Variants in ACACB observed in about 807,000 individuals in gnomAD.
The protein encoded by ACACB is acetyl-CoA carboxylase 2.
In ACACB, 209 loss-of-function variants were observed where a neutral mutation model predicts 278.8. That is an observed-to-expected ratio of 0.75 (90% CI 0.67 to 0.84). The LOEUF is 0.84. ACACB is among the 40% of genes least tolerant of loss of function. The pLI is 0.00. For synonymous variants in ACACB, 1,174 were observed against 1,285.6 expected (o/e 0.91, Z 1.86); for missense variants, 2,850 against 3,269.0 (o/e 0.87, Z 3.13).
At chr12:109,263,148 G>T (rs915703516) in intron 49 of ACACB, 1 of 151,148 alleles carries the variant, frequency 6.6e-6, no homozygotes, top group South Asian at 2.1e-4. Flanking sequence ...TGTTTTACTT[G>T]TCATCTTTAG....
At position 109,205,674 on chromosome 12, in the gene ACACB, G is replaced by A. The variant is rs560629042; in HGVS notation, c.2914-1036G>A. 5.3e-5 allele frequency among the ~76,000 whole-genome samples: 8 copies of A among 152,090 alleles called. No homozygotes were observed. In the South Asian group the frequency reaches 1.2e-3, roughly 24 times the overall value. ...TCACCATGTTGGCCAGGCTGGTCTC[G>A]AACTCTTGACCTCAGTTCATCCTCC... On this transcript the variant is annotated intron_variant, in intron 19 of 52. Coordinates refer to ENST00000338432, the MANE Select transcript of ACACB (RefSeq NM_001093.4).
At chr12:109,181,030 G>A (rs2044448343) in intron 11 of ACACB, among the ~76,000 whole-genome samples, 1 of 151,888 alleles carries the variant, frequency 6.6e-6, no homozygotes, top group Non-Finnish European at 1.5e-5. Context: ...GTGTCTGTGA[G>A]TTCCATTGTT....
rs751690673 is a variant in ACACB, at chr12:109,259,076, C to T, written c.6464C>T (p.Ala2155Val). ...NREKLPLMIF[A>V]NWRGFSGGMK... ...GAGAAGTTGCCCCTGATGATCTTTG[C>T]CAACTGGAGGGGGTTCTCCGGTGGC... The change falls in exon 47 of 53, where the codon GCC becomes GTC. Residue 2155 changes from alanine to valine, a missense_variant. Ala to Val is a moderately conservative substitution (Grantham distance 64). Transcript: ENST00000338432. The T allele has an allele frequency of 6.2e-7, 1 of 1,613,990 alleles. No homozygotes were observed. The highest frequency in any genetic ancestry group is 1.1e-5 in the South Asian group (1 of 91,070).
rs1480900610 is a variant in ACACB, at chr12:109,260,687, C to T, written c.6674+30C>T. 14 of 1,507,266 alleles carry T rather than the reference C, an allele frequency of 9.3e-6. No individual in the cohort carries two copies. The South Asian group carries it at 1.6e-4, about 18-fold the overall frequency. 93.4% of individuals were successfully genotyped at this position (1,507,266 alleles called of 1,614,324 possible). On this transcript the variant is annotated intron_variant, in intron 48 of 52. Transcript: ENST00000338432. Reference sequence around the variant, plus strand: ...GTGTGTTGCCCTTAGCCTGGCTTAGCCTTTTCTTGTTCTCCCAGCCTTGAG... The same window carrying T: ...GTGTGTTGCCCTTAGCCTGGCTTAGTCTTTTCTTGTTCTCCCAGCCTTGAG...
In ACACB at chr12:109,241,133, T is replaced by C. The variant is rs1355149533; in HGVS notation, c.4874T>C (p.Leu1625Pro). The C allele has an allele frequency of 6.2e-7, 1 of 1,613,954 alleles. No individual in the cohort carries two copies. The highest frequency in any genetic ancestry group is 8.5e-7 in the Non-Finnish European group (1 of 1,180,034). The change falls in exon 36 of 53, where the codon CTC (leucine) becomes CCC (proline). Residue 1625 changes from leucine (L) to proline (P), a missense_variant. Leu to Pro is a moderately conservative substitution (Grantham distance 98). This residue lies in a region of ACACB where 2,265 missense variants were observed against 2,561.3 expected (regional missense o/e 0.88). Coordinates refer to ENST00000338432, the MANE Select transcript of ACACB (RefSeq NM_001093.4). ...CGCTACGGCAGCCGGCTGTGGAAAC[T>C]CCGTGTGCTACAGGCTGAGGTCAAG... ...VMRYGSRLWK[L>P]RVLQAEVKIN...
intron 2 of ACACB, 54 bp from the exon 3 acceptor site, chr12:109,166,807 T>C: frequency 6.2e-7 from 1 of 1,612,628 alleles, no homozygotes; most frequent in Non-Finnish European, 8.5e-7. Flanking sequence ...TGCCGAGCTC[T>C]GAGTCCCAGG....
At chr12:109,130,555 A>G (rs576050069) in intron 1 of ACACB, among the ~76,000 whole-genome samples, 1 of 152,152 alleles carries the variant, frequency 6.6e-6, no homozygotes, top group Non-Finnish European at 1.5e-5. Context: ...GCTCATCTAC[A>G]ACACAAGCAC....
In ACACB at chr12:109,144,749, TC is replaced by T. The variant is rs1402121152; in HGVS notation, c.653+4692del. ...TTCTTTCTTTTTCTTTTTCTTTCTT[TC>T]TTTCTTTTTTTTTTTTTTTTTTGAG... On this transcript the variant is annotated intron_variant, in intron 2 of 52. Transcript: ENST00000338432. 6.1e-3 allele frequency among the ~76,000 whole-genome samples: 322 copies of T among 53,012 alleles called. 1 individual carries two copies. The highest frequency in any genetic ancestry group is 0.02 in the Middle Eastern group (2 of 100). The allele number at this position is 53,012 out of a possible 152,430, so 34.8% of individuals were successfully genotyped here. A position where few individuals can be genotyped will look rare whatever the true frequency, so the allele number is the denominator to read the frequency against.
intron 13 of ACACB, among the ~76,000 whole-genome samples, chr12:109,190,741 C>A (rs1054846098): frequency 6.6e-6 from 1 of 152,020 alleles, no homozygotes; most frequent in Non-Finnish European, 1.5e-5. Context: ...GATCCTCCCC[C>A]TTTAGCCTCC....
At chr12:109,143,855 T>C (rs1238520044) in intron 2 of ACACB, among the ~76,000 whole-genome samples, 1 of 152,102 alleles carries the variant, frequency 6.6e-6, no homozygotes, top group East Asian at 1.9e-4. Context: ...CCAAACCTGG[T>C]GTTCCAGCCT....
chr12:109,187,664 T>G (rs1347626219), intron 12 of ACACB, among the ~76,000 whole-genome samples: 1 of 151,998 alleles, frequency 6.6e-6, no homozygotes, highest in Non-Finnish European at 1.5e-5. Flanking sequence ...CTCCTGATGT[T>G]ACTCTGGCTG....
intron 24 of ACACB, among the ~76,000 whole-genome samples, chr12:109,218,444 G>A (rs1236905598): frequency 1.3e-5 from 2 of 152,010 alleles, no homozygotes; most frequent in Non-Finnish European, 2.9e-5. Context: ...GTCTTGTCTC[G>A]AACTCCCGCG....
rs1281526262 is a variant in ACACB, at chr12:109,191,626, G to A, written c.2158G>A (p.Ala720Thr). Residue 720 changes from alanine to threonine, a missense_variant, in exon 14 of 53, where the codon GCT becomes ACT. Physicochemically the swap from Ala to Thr is moderately conservative, Grantham distance 58 (BLOSUM62 0). Coordinates refer to ENST00000338432, the MANE Select transcript of ACACB (RefSeq NM_001093.4). ...TTTCCCTTCAAGGAACATGGTGGTG[G>A]CTTTGAAGGAACTGTCCATCCGAGG... ...REEAISNMVV[A>T]LKELSIRGDF... The A allele has an allele frequency of 6.2e-7, 1 of 1,614,140 alleles. No individual in the cohort carries two copies. The highest frequency in any genetic ancestry group is 1.7e-5 in the Admixed American group (1 of 60,022).
chr12:109,150,254 A>G (rs888870895), intron 2 of ACACB, among the ~76,000 whole-genome samples: 29 of 152,102 alleles, frequency 1.9e-4, no homozygotes, highest in African/African-American at 7.0e-4. Context: ...GATTGTTGAG[A>G]TCGAGTGGGA....
At chr12:109,249,885 T>A in intron 40 of ACACB, 99 bp from the exon 41 acceptor site, 1 of 1,453,780 alleles carries the variant, frequency 6.9e-7, no homozygotes, top group Non-Finnish European at 9.2e-7. Context: ...GCTTCCAATC[T>A]CTCACCTTGC....
At chr12:109,159,374 CG>C (rs1565873130) in intron 2 of ACACB, among the ~76,000 whole-genome samples, 1 of 151,890 alleles carries the variant, frequency 6.6e-6, no homozygotes, top group African/African-American at 2.4e-5. Context: ...TGATTAATGC[CG>C]GGGCCCTAGC....
chr12:109,113,356 G>C (rs984536094), upstream of ACACB: 1 of 152,276 alleles, frequency 6.6e-6, no homozygotes, highest in Non-Finnish European at 1.5e-5. Context: ...GTTCCACGTG[G>C]CAAGGTTTGG....
intron 24 of ACACB, among the ~76,000 whole-genome samples, chr12:109,221,895 G>GGA (rs749502407): frequency 5.6e-5 from 5 of 89,898 alleles, no homozygotes; most frequent in African/African-American, 2.2e-4. Context: ...TTTTTTTTTT[G>GGA]GGGGGGAGAC....
chr12:109,179,848 A>G (rs1377997321), intron 10 of ACACB, 69 bp from the exon 11 acceptor site: 1 of 1,505,380 alleles, frequency 6.6e-7, no homozygotes, highest in Non-Finnish European at 9.0e-7. Flanking sequence ...GAAGGAACTG[A>G]TAGTCACCAT....
Sources: allele counts gnomAD v4.1 joint callset (sites outside exome capture counted in the v4.1 genomes callset), GRCh38; gene constraint gnomAD v4.1.1; regional missense constraint gnomAD v4.1.1; transcripts MANE v1.5; gene names NCBI Gene and HGNC (gene_info 2026-07-23, HGNC 2026-07-21).